The following TRIM5 variants were observed in gnomAD, a reference collection of about 807,000 sequenced individuals.
TRIM5 encodes the protein tripartite motif containing 5, also known as tripartite motif-containing protein 5.
Under a neutral mutation model 35.6 loss-of-function variants are expected in TRIM5, and 31 were observed. That is an observed-to-expected ratio of 0.87 (90% confidence interval 0.65 to 1.18). The LOEUF is 1.18. TRIM5 is among the 50% of genes most tolerant of loss of function. TRIM5 has a pLI of 0.00. For synonymous variants in TRIM5, 243 were observed against 215.6 expected (o/e 1.13, Z -1.11); for missense variants, 609 against 591.6 (o/e 1.03, Z -0.31).
At chr11:5,608,063 G>C in the TRIM5 span, among the ~76,000 whole-genome samples, 5 of 152,186 alleles carry the variant, frequency 3.3e-5, no homozygotes, top group African/African-American at 1.2e-4. Context: ...TTCATCATCT[G>C]AGGTTCTCTA....
At position 5,665,475 on chromosome 11, in the gene TRIM5, G is replaced by A; in HGVS notation, c.896-80C>T. The A allele has an allele frequency of 3.2e-6, 5 of 1,544,430 alleles. No individual in the cohort carries two copies. In the South Asian group the frequency reaches 6.5e-5, roughly 20 times the overall value. On this transcript the variant is annotated intron_variant, in intron 7 of 7. Coordinates refer to ENST00000380034, the MANE Select transcript of TRIM5 (RefSeq NM_033034.3). ...ATGAGAGAAATCTTGATAAAGACTT[G>A]AGAGAAAACTGGGAGGAACCTTGTT... is the stretch of plus-strand genomic sequence containing the variant.
chr11:5,656,426 T>C, the TRIM5 span, among the ~76,000 whole-genome samples: 2 of 151,608 alleles, frequency 1.3e-5, no homozygotes, highest in African/African-American at 4.9e-5. Flanking sequence ...TGATCTTGGC[T>C]TACTGCAACC....
chr11:5,641,202 G>A, the TRIM5 span: 1 of 1,613,732 alleles, frequency 6.2e-7, no homozygotes, highest in East Asian at 2.2e-5. Context: ...GCGTATGGGT[G>A]GCCAGGAGTG....
the TRIM5 span, among the ~76,000 whole-genome samples, chr11:5,606,900 C>T: frequency 1.3e-5 from 2 of 152,124 alleles, no homozygotes; most frequent in Admixed American, 1.3e-4. Context: ...TGAATTGTTG[C>T]CCATTAAGAT....
rs962595414 is a variant in TRIM5 at position 5,667,677 on chromosome 11, T to G, written c.767+12A>C. ...CTGCACAAAAGGACCATCTCTGTCC[T>G]CCCACACATACCTTTTTATGACGCC... On this transcript the variant is annotated intron_variant, in intron 5 of 7. Coordinates refer to ENST00000380034, the MANE Select transcript of TRIM5 (RefSeq NM_033034.3). The G allele has an allele frequency of 1.2e-6, 2 of 1,613,452 alleles. No homozygotes were observed. The highest frequency in any genetic ancestry group is 1.7e-6 in the Non-Finnish European group (2 of 1,179,738).
the TRIM5 span, among the ~76,000 whole-genome samples, chr11:5,625,507 C>T: frequency 3.3e-5 from 5 of 152,076 alleles, no homozygotes; most frequent in Admixed American, 2.6e-4. Context: ...GGGCTTAGCT[C>T]CTAGTATGTG....
the TRIM5 span, among the ~76,000 whole-genome samples, chr11:5,639,814 T>C: frequency 5.9e-4 from 90 of 151,290 alleles, no homozygotes; most frequent in Non-Finnish European, 5.9e-5. Flanking sequence ...TTCTTTCCAA[T>C]ATAGAAGCTT....
the TRIM5 span, chr11:5,634,885 G>A: frequency 1.2e-6 from 2 of 1,604,706 alleles, no homozygotes; most frequent in South Asian, 1.1e-5. Flanking sequence ...CTCAATCTGA[G>A]ATTCTGGGAA....
chr11:5,670,883 T>C (rs1851537531), intron 4 of TRIM5, among the ~76,000 whole-genome samples: 2 of 152,110 alleles, frequency 1.3e-5, no homozygotes, highest in South Asian at 4.1e-4. Context: ...TAAATGAAGG[T>C]ACAGAAACAC....
the TRIM5 span, among the ~76,000 whole-genome samples, chr11:5,608,131 CAT>C: frequency 6.6e-6 from 1 of 152,202 alleles, no homozygotes; most frequent in Non-Finnish European, 1.5e-5. Flanking sequence ...ATTACACACA[CAT>C]ATGCACACAC....
chr11:5,625,499 G>A, the TRIM5 span, among the ~76,000 whole-genome samples: 1 of 152,094 alleles, frequency 6.6e-6, no homozygotes, highest in East Asian at 1.9e-4. Flanking sequence ...TGTGTGCAGG[G>A]CTTAGCTCCT....
At chr11:5,645,870 A>AT in the TRIM5 span, 1 of 133,050 alleles carries the variant, frequency 7.5e-6, no homozygotes, top group Non-Finnish European at 1.4e-5. Flanking sequence ...TCTTCTGGAA[A>AT]AAAAAAAAAA....
At chr11:5,619,393 T>C in the TRIM5 span, among the ~76,000 whole-genome samples, 1 of 152,134 alleles carries the variant, frequency 6.6e-6, no homozygotes, top group African/African-American at 2.4e-5. Context: ...TTTCCAGTCT[T>C]TTCCAGTGGA....
chr11:5,600,386 C>A, the TRIM5 span, among the ~76,000 whole-genome samples: 1 of 147,516 alleles, frequency 6.8e-6, no homozygotes, highest in Admixed American at 6.6e-5. Context: ...CTGTGAGCAT[C>A]GCTGCTGCTA....
chr11:5,671,304 T>A (rs200264381), intron 4 of TRIM5, among the ~76,000 whole-genome samples: 1 of 141,792 alleles, frequency 7.1e-6, no homozygotes, highest in Non-Finnish European at 1.5e-5. Flanking sequence ...TCAGGGGGAT[T>A]AAAAAAAAAA....
the TRIM5 span, chr11:5,632,704 C>T: frequency 5.0e-6 from 8 of 1,612,176 alleles, no homozygotes; most frequent in Admixed American, 1.2e-4. Context: ...GTCTCAGGAG[C>T]ACCGTGGTCA....
intron 3 of TRIM5, 105 bp downstream of exon 3, chr11:5,678,969 G>T: frequency 1.1e-6 from 1 of 934,592 alleles, no homozygotes; most frequent in Non-Finnish European, 1.7e-6. Context: ...CTAATCAAAT[G>T]ACTTCTGGAC....
the TRIM5 span, among the ~76,000 whole-genome samples, chr11:5,609,822 C>T: frequency 6.6e-6 from 1 of 152,160 alleles, no homozygotes; most frequent in Non-Finnish European, 1.5e-5. Flanking sequence ...ACTCAGAAGG[C>T]TGAGGCAGGA....
At chr11:5,593,304 C>G in the TRIM5 span, among the ~76,000 whole-genome samples, 1 of 152,298 alleles carries the variant, frequency 6.6e-6, no homozygotes, top group South Asian at 2.1e-4. Flanking sequence ...CATCAGCTCC[C>G]AGCTGGTAGT....
Sources: gnomAD v4.1 joint callset for allele counts (sites outside exome capture counted in the v4.1 genomes callset) on GRCh38, gnomAD v4.1.1 for gene constraint, MANE v1.5 for transcripts, NCBI Gene and HGNC (gene_info 2026-07-23, HGNC 2026-07-21) for gene names.